DERA: variants seen among roughly 807,000 people sequenced by gnomAD.
The protein encoded by DERA is deoxyribose-phosphate aldolase.
A neutral mutation model predicts 41.1 loss-of-function variants in DERA; 15 were observed. The ratio of observed to expected loss-of-function variants is 0.37; its 90% confidence interval spans 0.24 to 0.56. The LOEUF (loss-of-function observed/expected upper bound fraction) is 0.56, where lower values mean the gene tolerates loss of function less well. Among genes scored for constraint, DERA ranks in the 20% least tolerant of loss-of-function variants. DERA has a pLI of 0.81. For missense variants in DERA, 396 were observed against 403.4 expected (o/e 0.98, Z 0.16); for synonymous variants, 139 against 137.4 (o/e 1.01, Z -0.08).
intron 6 of DERA, among the ~76,000 whole-genome samples, chr12:15,986,779 CT>C (rs1259313642): frequency 1.3e-5 from 2 of 152,154 alleles, no homozygotes; most frequent in African/African-American, 4.8e-5. Context: ...TCACTTTAGT[CT>C]TTATTTCTTC....
rs565090952 is a variant in DERA at position 15,936,917 on chromosome 12, T to C, written c.32-20019T>C. 0.22 allele frequency among the ~76,000 whole-genome samples: 30,328 copies of C among 139,586 alleles called. 3,406 individuals carry two copies. Among genetic ancestry groups the C allele is most frequent in the Admixed American group, 0.32 (4,653 of 14,508 alleles). The allele number at this position is 139,586 out of a possible 152,430, so 91.6% of individuals were successfully genotyped here. ...TGTCCTGTCCTGTCCTGTCCTGTCC[T>C]GTCCTGTCCTGTCCTGTCTTGTCCT... On this transcript the variant is annotated intron_variant, in intron 1 of 8. Transcript: ENST00000428559. This position sits in a 1 kb window ranked among gnomAD's most constrained non-coding sequence, Gnocchi z 4.6.
In DERA at chr12:15,984,714, T is replaced by C. The variant is rs1421711254; in HGVS notation, c.637+2278T>C. On this transcript the variant is annotated intron_variant, in intron 6 of 8. Coordinates refer to ENST00000428559, the MANE Select transcript of DERA (RefSeq NM_015954.4). This position sits in a 1 kb window ranked among gnomAD's most constrained non-coding sequence, Gnocchi z 4.5. ...GGCACACACTAGATTTTATCATGAA[T>C]GAAAGACACAATCTTTGTGAGGCAT... Among the ~76,000 whole-genome samples the C allele has an allele frequency of 6.6e-6, 1 of 152,198 alleles. No individual in the cohort carries two copies. The highest frequency in any genetic ancestry group is 6.5e-5 in the Admixed American group (1 of 15,274).
chr12:15,951,803 A>G (rs1476119980), intron 1 of DERA, among the ~76,000 whole-genome samples: 1 of 152,070 alleles, frequency 6.6e-6, no homozygotes, highest in Admixed American at 6.6e-5. Context: ...TAACAGTTTT[A>G]TTTTAAAAAG....
Position 16,000,699 on chromosome 12 carries a change from T to C in DERA, c.637+18263T>C, listed in dbSNP as rs559442677. ...TGTCACACAAAGCCAGCAAAGGCTGTTTGTAGAACGTTAGCTGCTATCACA... is the reference window on the plus strand; with the variant it reads ...TGTCACACAAAGCCAGCAAAGGCTGCTTGTAGAACGTTAGCTGCTATCACA... On this transcript the variant is annotated intron_variant, in intron 6 of 8. Transcript: ENST00000428559. The surrounding 1 kb of genome is among the most constrained non-coding windows in gnomAD (Gnocchi z 4.8). Among the ~76,000 whole-genome samples the C allele has an allele frequency of 1.4e-3, 211 of 152,348 alleles. 1 individual carries two copies. The highest frequency in any genetic ancestry group is 4.2e-3 in the African/African-American group (176 of 41,574).
At position 16,010,926 on chromosome 12, in the gene DERA, T is replaced by C. The variant is rs1045084008; in HGVS notation, c.638-21616T>C. ...TTGAAAAAAAAGATTTATGATGACA[T>C]TGAGGTATGATAATCTCAAATACGT... On this transcript the variant is annotated intron_variant, in intron 6 of 8. Transcript: ENST00000428559. This position sits in a 1 kb window ranked among gnomAD's most constrained non-coding sequence, Gnocchi z 5.5. 6.6e-6 allele frequency among the ~76,000 whole-genome samples: 1 copy of C among 152,008 alleles called. No individual in the cohort carries two copies. Among genetic ancestry groups the C allele is most frequent in the African/African-American group, 2.4e-5 (1 of 41,268 alleles).
In DERA at chr12:15,999,398, A is replaced by G. The variant is rs1948860176; in HGVS notation, c.637+16962A>G. Among the ~76,000 whole-genome samples, 1 of 152,210 alleles carries G rather than the reference A, an allele frequency of 6.6e-6. No individual in the cohort carries two copies. The highest frequency in any genetic ancestry group is 1.9e-4 in the East Asian group (1 of 5,196). ...TGAAAAATAGGGTTTATGATTTGTC[A>G]TTTTGGGAAAGCAGGTGATGTGGGG... On this transcript the variant is annotated intron_variant, in intron 6 of 8. Coordinates refer to ENST00000428559, the MANE Select transcript of DERA (RefSeq NM_015954.4). This position sits in a 1 kb window ranked among gnomAD's most constrained non-coding sequence, Gnocchi z 5.3.
chr12:15,977,219 C>G (rs1395454817), intron 5 of DERA, among the ~76,000 whole-genome samples: 3 of 152,142 alleles, frequency 2.0e-5, no homozygotes, highest in East Asian at 1.9e-4. Flanking sequence ...CTTCTACGTT[C>G]TGAGTTTTGA....
chr12:15,912,109 A>G (rs1354082901), intron 1 of DERA, among the ~76,000 whole-genome samples: 1 of 151,640 alleles, frequency 6.6e-6, no homozygotes, highest in East Asian at 1.9e-4. Flanking sequence ...AGGGAAGGTC[A>G]GCTGATAAAC....
In DERA at chr12:16,001,971, C is replaced by A. The variant is rs1175583238; in HGVS notation, c.637+19535C>A. 6.6e-6 allele frequency among the ~76,000 whole-genome samples: 1 copy of A among 152,142 alleles called. No individual in the cohort carries two copies. Among genetic ancestry groups the A allele is most frequent in the African/African-American group, 2.4e-5 (1 of 41,428 alleles). On this transcript the variant is annotated intron_variant, in intron 6 of 8. Coordinates refer to ENST00000428559, the MANE Select transcript of DERA (RefSeq NM_015954.4). The surrounding 1 kb of genome is among the most constrained non-coding windows in gnomAD (Gnocchi z 4.1). ...ATGATTACCAGGCACTTTGTAACAG[C>A]AAGGTTATTCTTTTTTTTTATTATT...
chr12:15,926,519 G>A (rs1364410735), intron 1 of DERA, among the ~76,000 whole-genome samples: 1 of 152,004 alleles, frequency 6.6e-6, no homozygotes, highest in South Asian at 2.1e-4. Context: ...GGCGGATCAC[G>A]AGATGAGGAG....
At chr12:15,927,497 CAGTA>C (rs1189129937) in intron 1 of DERA, among the ~76,000 whole-genome samples, 3 of 152,056 alleles carry the variant, frequency 2.0e-5, no homozygotes, top group Admixed American at 2.0e-4. Flanking sequence ...TTATAATTCT[CAGTA>C]GGTCATTTAA....
chr12:15,978,198 G>A (rs1436291539), intron 5 of DERA, among the ~76,000 whole-genome samples: 1 of 152,172 alleles, frequency 6.6e-6, no homozygotes, highest in East Asian at 1.9e-4. Flanking sequence ...TTTCTGAGGT[G>A]TCTATCATGG....
chr12:15,987,239 T>TC (rs1948770943), intron 6 of DERA, among the ~76,000 whole-genome samples: 1 of 142,386 alleles, frequency 7.0e-6, no homozygotes. Flanking sequence ...ACTTTTTTTT[T>TC]TTTTTTTTTT....
intron 1 of DERA, among the ~76,000 whole-genome samples, chr12:15,929,453 G>A (rs1273513167): frequency 1.3e-5 from 2 of 152,158 alleles, no homozygotes; most frequent in African/African-American, 4.8e-5. Context: ...CCATAATGTA[G>A]CGGAGGCTTG....
At chr12:15,955,172 C>T (rs901325786) in intron 1 of DERA, among the ~76,000 whole-genome samples, 2 of 151,866 alleles carry the variant, frequency 1.3e-5, no homozygotes, top group East Asian at 1.9e-4. Flanking sequence ...TGGTGGCGCA[C>T]GCCTGTAGCC....
chr12:16,007,532 G>T (rs913131072), intron 6 of DERA, among the ~76,000 whole-genome samples: 1 of 152,168 alleles, frequency 6.6e-6, no homozygotes, highest in Non-Finnish European at 1.5e-5. Flanking sequence ...AATTCATTTA[G>T]ATTTTGTAAG....
chr12:15,911,451 C>A lies in DERA; in HGVS notation c.31+37C>A. On this transcript the variant is annotated intron_variant, in intron 1 of 8. Transcript: ENST00000428559. The surrounding 1 kb of genome is among the most constrained non-coding windows in gnomAD (Gnocchi z 4.5). Reference sequence around the variant, plus strand: ...GCGGGGCTCCCCATCCCCTCTCCCTCGCGTTCAGCGCCGCCGGGACTAGCG... The same window carrying A: ...GCGGGGCTCCCCATCCCCTCTCCCTAGCGTTCAGCGCCGCCGGGACTAGCG... The A allele has an allele frequency of 7.1e-7, 1 of 1,408,924 alleles. No individual in the cohort carries two copies. The highest frequency in any genetic ancestry group is 3.2e-5 in the Admixed American group (1 of 30,930). 87.3% of individuals were successfully genotyped at this position (1,408,924 alleles called of 1,614,324 possible). A position where few individuals can be genotyped will look rare whatever the true frequency, so the allele number is the denominator to read the frequency against.
chr12:15,925,507 CT>C (rs1325397773), intron 1 of DERA, among the ~76,000 whole-genome samples: 1 of 152,066 alleles, frequency 6.6e-6, no homozygotes, highest in Middle Eastern at 3.2e-3. Context: ...ATGTTTAAAA[CT>C]TGAACCATCT....
Position 16,017,631 on chromosome 12 carries a change from AAC to A in DERA, c.638-14910_638-14909del. Among the ~76,000 whole-genome samples, 2 of 152,280 alleles carry A rather than the reference AAC, an allele frequency of 1.3e-5. No individual in the cohort carries two copies. Among genetic ancestry groups the A allele is most frequent in the South Asian group, 4.1e-4 (2 of 4,820 alleles). On this transcript the variant is annotated intron_variant, in intron 6 of 8. Coordinates refer to ENST00000428559, the MANE Select transcript of DERA (RefSeq NM_015954.4). The surrounding 1 kb of genome is among the most constrained non-coding windows in gnomAD (Gnocchi z 5.5). ...ATTATATTGCCCTAAGTGATTTCCA[AAC>A]CTATGTTGAACAAAAGAATACAATA... is the stretch of plus-strand genomic sequence containing the variant.
Sources: allele counts gnomAD v4.1 joint callset (sites outside exome capture counted in the v4.1 genomes callset), GRCh38; gene constraint gnomAD v4.1.1; non-coding constraint Gnocchi (gnomAD v3.1); transcripts MANE v1.5; gene names NCBI Gene and HGNC (gene_info 2026-07-23, HGNC 2026-07-21).